The following PCDHGB6 variants were observed in gnomAD, a reference collection of about 807,000 sequenced individuals.
PCDHGB6 encodes protocadherin gamma-B6.
A neutral mutation model predicts 59.1 loss-of-function variants in PCDHGB6; 51 were observed. The ratio of observed to expected loss-of-function variants is 0.86; its 90% CI spans 0.69 to 1.09. The LOEUF is 1.09. Among genes scored for constraint, PCDHGB6 ranks in the 50% least tolerant of loss-of-function variants. PCDHGB6 has a pLI of 0.00. For synonymous variants in PCDHGB6, 466 were observed against 495.1 expected, an observed-to-expected ratio of 0.94 and a Z score of 0.78; for missense variants, 1,148 against 1,205.1, an observed-to-expected ratio of 0.95 and a Z score of 0.70.
At chr5:141,501,319 A>G (rs2099807834) in intron 2 of PCDHGB6, among the ~76,000 whole-genome samples, 1 of 151,710 alleles carries the variant, frequency 6.6e-6, no homozygotes, top group Non-Finnish European at 1.5e-5. Context: ...ACACACACAC[A>G]CACACACACA....
Position 141,505,499 on chromosome 5 carries a change from G to T in PCDHGB6, c.2566+18G>T, listed in dbSNP as rs753203943. 4.3e-6 allele frequency: 7 copies of T among 1,614,172 alleles called. No individual in the cohort carries two copies. The South Asian group carries it at 7.7e-5, about 18-fold the overall frequency. ...CGCCAGTGGTAAGTGGTGTCAGTGTGTGTATGGAAGAGTGGGAGACCTGGG... is the reference window on the plus strand; with the variant it reads ...CGCCAGTGGTAAGTGGTGTCAGTGTTTGTATGGAAGAGTGGGAGACCTGGG... On this transcript the variant is annotated intron_variant, in intron 3 of 3. Coordinates refer to ENST00000520790, the MANE Select transcript of PCDHGB6 (RefSeq NM_018926.3).
intron 1 of PCDHGB6, chr5:141,422,639 C>T (rs777330051): frequency 3.7e-6 from 6 of 1,612,780 alleles, no homozygotes; most frequent in South Asian, 2.2e-5. Flanking sequence ...AGGGGTGCCT[C>T]CATCTTCTCA....
At chr5:141,422,500 G>A (rs762511271) in intron 1 of PCDHGB6, 1 of 1,614,008 alleles carries the variant, frequency 6.2e-7, no homozygotes, top group Non-Finnish European at 8.5e-7. Flanking sequence ...AACGTTGACA[G>A]CCACAGACCA....
chr5:141,492,691 C>G (rs2099743102), intron 1 of PCDHGB6, among the ~76,000 whole-genome samples: 1 of 152,274 alleles, frequency 6.6e-6, no homozygotes, highest in South Asian at 2.1e-4. Flanking sequence ...TCGGCGACCC[C>G]TCAACCCAGA....
intron 1 of PCDHGB6, among the ~76,000 whole-genome samples, chr5:141,425,629 C>G (rs1297803997): frequency 1.3e-5 from 2 of 152,162 alleles, no homozygotes; most frequent in Admixed American, 1.3e-4. Flanking sequence ...CTCCAGTTTT[C>G]TCTGATAAAA....
intron 1 of PCDHGB6, among the ~76,000 whole-genome samples, chr5:141,467,823 T>A (rs1225960296): frequency 1.3e-5 from 2 of 152,012 alleles, no homozygotes; most frequent in African/African-American, 2.4e-5. Flanking sequence ...CACACCAGGC[T>A]GATTTTTATA....
In PCDHGB6 at chr5:141,505,471, G is replaced by A. The variant is rs766596231; in HGVS notation, c.2556G>A (p.Ala852=). The A allele has an allele frequency of 3.4e-5, 55 of 1,614,244 alleles. No individual in the cohort carries two copies. The highest frequency in any genetic ancestry group is 1.1e-4 in the East Asian group (5 of 44,880). ...AGATGCTGCAAGCCATGATCTTGGCGTCCGCCAGTGGTAAGTGGTGTCAGT... is the reference window on the plus strand; with the variant it reads ...AGATGCTGCAAGCCATGATCTTGGCATCCGCCAGTGGTAAGTGGTGTCAGT... ...DTEMLQAMIL[A]SASEAADGSS... Residue 852 remains alanine (A), a synonymous_variant, in exon 3 of 4, where the codon GCG becomes GCA. Coordinates refer to ENST00000520790, the MANE Select transcript of PCDHGB6 (RefSeq NM_018926.3).
At chr5:141,444,471 G>A (rs929365899) in intron 1 of PCDHGB6, among the ~76,000 whole-genome samples, 1 of 151,876 alleles carries the variant, frequency 6.6e-6, no homozygotes, top group Non-Finnish European at 1.5e-5. Flanking sequence ...GCGCCCGGTC[G>A]CGTACTGGAT....
rs1419377760 is a variant in PCDHGB6 at position 141,418,687 on chromosome 5, GATCACTT to G, written c.2418+8070_2418+8076del. ...ACCAGGACGAGGGCATCAACTCAGA[GATCACTT>G]ATTCCTTCTTTGGTGTGGCTGACAA... On this transcript the variant is annotated intron_variant, in intron 1 of 3. Transcript: ENST00000520790. 6 of 1,613,928 alleles carry G rather than the reference GATCACTT, an allele frequency of 3.7e-6. No individual in the cohort carries two copies. In the African/African-American group the frequency reaches 8.0e-5, roughly 22 times the overall value.
At chr5:141,501,718 A>G (rs914077060) in intron 2 of PCDHGB6, among the ~76,000 whole-genome samples, 1 of 152,152 alleles carries the variant, frequency 6.6e-6, no homozygotes, top group Non-Finnish European at 1.5e-5. Flanking sequence ...AAAAAGACAA[A>G]TATATTACCC....
Position 141,484,782 on chromosome 5 carries a change from C to A in PCDHGB6, c.2419-10025C>A, listed in dbSNP as rs572593816. 2.0e-5 allele frequency among the ~76,000 whole-genome samples: 3 copies of A among 152,066 alleles called. No homozygotes were observed. In the South Asian group the frequency reaches 6.3e-4, roughly 32 times the overall value. On this transcript the variant is annotated intron_variant, in intron 1 of 3. Transcript: ENST00000520790. Reference sequence around the variant, plus strand: ...TATATATATGTTGTCTGCCTCCCCACAGAGATAACAACCCGTGGAAAAACA... The same window carrying A: ...TATATATATGTTGTCTGCCTCCCCAAAGAGATAACAACCCGTGGAAAAACA...
At chr5:141,440,631 A>C (rs1036203175) in intron 1 of PCDHGB6, 2 of 152,224 alleles carry the variant, frequency 1.3e-5, no homozygotes, top group African/African-American at 4.8e-5. Flanking sequence ...ATGTTGAGAG[A>C]AATTCCTTAC....
At chr5:141,442,848 T>C (rs1210778801) in intron 1 of PCDHGB6, among the ~76,000 whole-genome samples, 2 of 152,236 alleles carry the variant, frequency 1.3e-5, no homozygotes, top group Non-Finnish European at 2.9e-5. Context: ...ATCTTGGCCA[T>C]TGTAGTATGA....
In PCDHGB6 at chr5:141,413,958, G is replaced by A. The variant is rs774080265; in HGVS notation, c.2418+3338G>A. On this transcript the variant is annotated intron_variant, in intron 1 of 3. Coordinates refer to ENST00000520790, the MANE Select transcript of PCDHGB6 (RefSeq NM_018926.3). ...TGAGTGTTCCTGAGAATTTGCCTGT[G>A]GGCACTCAGCTGCTGACAGTCACAG... The A allele has an allele frequency of 5.0e-6, 8 of 1,613,276 alleles. No individual in the cohort carries two copies. In the South Asian group the frequency reaches 6.6e-5, roughly 13 times the overall value.
chr5:141,476,920 A>G lies in PCDHGB6; in HGVS notation c.2419-17887A>G. The G allele has an allele frequency of 6.2e-7, 1 of 1,614,094 alleles. No individual in the cohort carries two copies. The highest frequency in any genetic ancestry group is 1.1e-5 in the South Asian group (1 of 91,088). On this transcript the variant is annotated intron_variant, in intron 1 of 3. Coordinates refer to ENST00000520790, the MANE Select transcript of PCDHGB6 (RefSeq NM_018926.3). This position sits in a 1 kb window ranked among gnomAD's most constrained non-coding sequence, Gnocchi z 7.6. ...GCACGCGCGTGGTACAAGTCCTTGC[A>G]ACGGATCTGGATGAAGGCCCCAACG...
At chr5:141,422,470 T>G in intron 1 of PCDHGB6, 1 of 1,613,440 alleles carries the variant, frequency 6.2e-7, no homozygotes, top group South Asian at 1.1e-5. Flanking sequence ...GGACAGGGAG[T>G]TGGTCCAGAG....
chr5:141,441,633 C>T, intron 1 of PCDHGB6: 1 of 226,756 alleles, frequency 4.4e-6, no homozygotes, highest in Non-Finnish European at 8.9e-6. Flanking sequence ...CCTGGAGCCA[C>T]AGGCGCTGTG....
intron 1 of PCDHGB6, among the ~76,000 whole-genome samples, chr5:141,473,990 G>A (rs988540565): frequency 2.0e-5 from 3 of 152,130 alleles, no homozygotes; most frequent in African/African-American, 7.2e-5. Flanking sequence ...GATCCCTTGA[G>A]CCCAAGGAGC....
chr5:141,422,115 T>C, intron 1 of PCDHGB6: 1 of 1,605,004 alleles, frequency 6.2e-7, no homozygotes, highest in South Asian at 1.1e-5. Context: ...TCCAATTGGA[T>C]TCACAAACTG....
Sources: gnomAD v4.1 joint callset for allele counts (sites outside exome capture counted in the v4.1 genomes callset) on GRCh38, gnomAD v4.1.1 for gene constraint, Gnocchi (gnomAD v3.1) non-coding constraint, MANE v1.5 for transcripts, NCBI Gene and HGNC (gene_info 2026-07-23, HGNC 2026-07-21) for gene names.